The following KCNMA1 variants were observed in gnomAD, a reference collection of about 807,000 sequenced individuals.
KCNMA1 encodes the protein potassium calcium-activated channel subfamily M alpha 1.
A neutral mutation model predicts 140.0 loss-of-function variants in KCNMA1; 29 were observed. The ratio of observed to expected loss-of-function variants is 0.21; its 90% CI spans 0.15 to 0.28. The LOEUF (loss-of-function observed/expected upper bound fraction) is 0.28. Among genes scored for constraint, KCNMA1 ranks in the 10% least tolerant of loss-of-function variants. The pLI, the probability that KCNMA1 is intolerant of heterozygous loss-of-function variation, is 1.00. For synonymous variants in KCNMA1, 612 were observed against 611.9 expected (o/e 1.00, Z 0.00); for missense variants, 880 against 1,602.2 (o/e 0.55, Z 7.70).
At chr10:77,117,756 T>G (rs555392750) in intron 6 of KCNMA1, among the ~76,000 whole-genome samples, 53 of 151,766 alleles carry the variant, frequency 3.5e-4, no homozygotes, top group African/African-American at 1.2e-3. Context: ...GTGTGTTAGA[T>G]CTCCAGTTTG....
At chr10:77,429,822 T>C (rs968979466) in intron 1 of KCNMA1, among the ~76,000 whole-genome samples, 1 of 152,078 alleles carries the variant, frequency 6.6e-6, no homozygotes, top group African/African-American at 2.4e-5. Flanking sequence ...ATATATATGA[T>C]ATATCAGGCA....
At chr10:76,910,222 G>A in intron 24 of KCNMA1, 126 bp from the exon 25 acceptor site, 1 of 1,026,148 alleles carries the variant, frequency 9.7e-7, no homozygotes, top group Non-Finnish European at 1.5e-6. Context: ...CATGGAATAA[G>A]CTGTAGATGG....
chr10:77,319,850 G>A (rs191531894), intron 2 of KCNMA1, among the ~76,000 whole-genome samples: 151 of 152,274 alleles, frequency 9.9e-4, no homozygotes, highest in African/African-American at 3.5e-3. Flanking sequence ...CCTCCTACTG[G>A]CCTCCTACCT....
chr10:77,225,787 G>A (rs748271135), intron 3 of KCNMA1, among the ~76,000 whole-genome samples: 3 of 152,200 alleles, frequency 2.0e-5, no homozygotes, highest in Admixed American at 1.3e-4. Flanking sequence ...ATGGAGGAGC[G>A]TGGCAACCTT....
intron 12 of KCNMA1, among the ~76,000 whole-genome samples, chr10:77,083,185 T>G (rs1467403017): frequency 1.3e-5 from 2 of 152,024 alleles, no homozygotes; most frequent in Non-Finnish European, 2.9e-5. Context: ...TTAGCTCAAC[T>G]CTCCAGAAGC....
chr10:77,001,009 C>T (rs2086243844), intron 19 of KCNMA1, among the ~76,000 whole-genome samples: 1 of 151,512 alleles, frequency 6.6e-6, no homozygotes, highest in South Asian at 2.1e-4. Flanking sequence ...TACACCCTTT[C>T]CTTCCTCCCT....
In KCNMA1 at chr10:77,403,743, C is replaced by T. The variant is rs1024336764; in HGVS notation, c.540+119G>A. ...CACGCGGGAGCACTTGCTGCTCACC[C>T]CCACCTCCCAATAGCCAGCCTCCTG... On this transcript the variant is annotated intron_variant, in intron 2 of 27. Coordinates refer to ENST00000286628, the MANE Select transcript of KCNMA1 (RefSeq NM_001161352.2). 20 of 996,678 alleles carry T rather than the reference C, an allele frequency of 2.0e-5. No homozygotes were observed. The South Asian group carries it at 2.9e-4, about 15-fold the overall frequency. 61.7% of individuals were successfully genotyped at this position (996,678 alleles called of 1,614,324 possible).
chr10:76,887,583 C>T, intron 27 of KCNMA1, 68 bp from the exon 28 acceptor site: 2 of 1,585,048 alleles, frequency 1.3e-6, no homozygotes, highest in South Asian at 1.1e-5. Context: ...TCTCTCTGAA[C>T]CAAAAGCAAT....
At chr10:77,581,999 A>G (rs999162527) in intron 1 of KCNMA1, among the ~76,000 whole-genome samples, 6 of 152,212 alleles carry the variant, frequency 3.9e-5, no homozygotes, top group African/African-American at 1.4e-4. Context: ...CTTTTTAAAA[A>G]TTCAGCAAAC....
intron 2 of KCNMA1, chr10:77,350,650 T>C (rs575802755): frequency 6.6e-6 from 1 of 152,336 alleles, no homozygotes; most frequent in Non-Finnish European, 1.5e-5. Context: ...ACTGCCAAAA[T>C]TCCAGTCCCT....
chr10:76,994,768 T>G (rs1050380952), intron 19 of KCNMA1, among the ~76,000 whole-genome samples: 1 of 152,186 alleles, frequency 6.6e-6, no homozygotes. Flanking sequence ...AGATCCCAAA[T>G]GTTAAGATCG....
At chr10:77,608,011 C>G (rs1289179434) in intron 1 of KCNMA1, among the ~76,000 whole-genome samples, 3 of 152,100 alleles carry the variant, frequency 2.0e-5, no homozygotes, top group Non-Finnish European at 4.4e-5. Flanking sequence ...TCCTAGGGTC[C>G]CTGTGGCCTG....
chr10:76,994,944 T>C (rs932253294), intron 19 of KCNMA1, among the ~76,000 whole-genome samples: 1 of 152,186 alleles, frequency 6.6e-6, no homozygotes, highest in Non-Finnish European at 1.5e-5. Context: ...TCCGTTTCTG[T>C]CTGGATGGGG....
chr10:77,134,848 A>G (rs2097953043), intron 5 of KCNMA1, among the ~76,000 whole-genome samples: 1 of 151,532 alleles, frequency 6.6e-6, no homozygotes, highest in Non-Finnish European at 1.5e-5. Context: ...AATATAAAAA[A>G]TTAGCCGGGT....
chr10:77,183,813 G>T (rs577577039), intron 4 of KCNMA1, among the ~76,000 whole-genome samples: 10 of 151,864 alleles, frequency 6.6e-5, no homozygotes, highest in African/African-American at 2.4e-4. Flanking sequence ...TTAAGGTCTG[G>T]AGGGAGACAT....
At chr10:76,924,306 C>T (rs1251325019) in intron 23 of KCNMA1, among the ~76,000 whole-genome samples, 1 of 151,944 alleles carries the variant, frequency 6.6e-6, no homozygotes, top group African/African-American at 2.4e-5. Context: ...TGTGAAAAAC[C>T]ACAGGTAACA....
intron 2 of KCNMA1, among the ~76,000 whole-genome samples, chr10:77,366,130 TTCTC>T (rs955933650): frequency 1.7e-5 from 1 of 59,260 alleles, no homozygotes; most frequent in Non-Finnish European, 3.4e-5. Context: ...TTTTCTTTTC[TTCTC>T]TCTCTCTCTC....
chr10:77,479,820 T>C (rs1347797168), intron 1 of KCNMA1, among the ~76,000 whole-genome samples: 4 of 152,202 alleles, frequency 2.6e-5, no homozygotes, highest in Admixed American at 2.6e-4. Flanking sequence ...GGTCTTGTCT[T>C]TCAGGCTAGG....
At chr10:77,419,410 T>TC (rs1283302319) in intron 1 of KCNMA1, among the ~76,000 whole-genome samples, 2 of 152,174 alleles carry the variant, frequency 1.3e-5, no homozygotes, top group African/African-American at 2.4e-5. Flanking sequence ...GTCAGGTGGT[T>TC]ACCTGAATCC....
Sources: allele counts gnomAD v4.1 joint callset (sites outside exome capture counted in the v4.1 genomes callset), GRCh38; gene constraint gnomAD v4.1.1; transcripts MANE v1.5; gene names NCBI Gene and HGNC (gene_info 2026-07-23, HGNC 2026-07-21).